The following ATRX variants were observed in gnomAD, a reference collection of about 807,000 sequenced individuals.
The protein encoded by ATRX is ATRX chromatin remodeler, also known as chromatin remodeler ATRX.
In ATRX, 12 loss-of-function variants were observed where a neutral mutation model predicts 172.6. The observed-to-expected ratio is 0.07, with a 90% CI of 0.04 to 0.11. The LOEUF (loss-of-function observed/expected upper bound fraction) is 0.11, where lower values mean the gene tolerates loss of function less well. Among genes scored for constraint, ATRX ranks in the 10% least tolerant of loss-of-function variants. The probability of loss-of-function intolerance (pLI) is 1.00; values close to 1 mark genes in which losing one functional copy is unlikely to be tolerated. For missense variants in ATRX, 1,368 were observed against 1,767.4 expected (o/e 0.77, Z 4.05); for synonymous variants, 674 against 594.7 (o/e 1.13, Z -1.94).
intron 10 of ATRX, among the ~76,000 whole-genome samples, chrX:77,673,559 TA>T (rs2070729593): frequency 9.0e-6 from 1 of 111,162 alleles, no homozygotes; most frequent in African/African-American, 3.3e-5. Context: ...TAAATCCAAT[TA>T]AATAGAAATT....
At position 77,622,658 on chromosome X, in the gene ATRX, T is replaced by C. The variant is rs147842674; in HGVS notation, c.5135-2126A>G. On this transcript the variant is annotated intron_variant, in intron 19 of 34. Transcript: ENST00000373344. Reference sequence around the variant, plus strand: ...ACTCCGGGGAGGGCGCAAATCCAGATTGCAGACTTCACAGGTGGGGGATGA... The same window carrying C: ...ACTCCGGGGAGGGCGCAAATCCAGACTGCAGACTTCACAGGTGGGGGATGA... 5.0e-4 allele frequency among the ~76,000 whole-genome samples: 56 copies of C among 111,513 alleles called. No individual in the cohort carries two copies. In the East Asian group the frequency reaches 0.014, roughly 29 times the overall value.
chrX:77,745,173 G>GAAAAAAAAAAA (rs1247509964), intron 1 of ATRX, among the ~76,000 whole-genome samples: 3 of 27,422 alleles, frequency 1.1e-4, no homozygotes, highest in Non-Finnish European at 1.9e-4. Context: ...TCTCAAAAAT[G>GAAAAAAAAAAA]AAAAAAAAAA....
At chrX:77,634,460 T>C in intron 17 of ATRX, 134 bp downstream of exon 17, 1 of 532,745 alleles carries the variant, frequency 1.9e-6, no homozygotes. Context: ...TATAAGCTCC[T>C]TGGAGACAGA....
At chrX:77,566,745 C>G (rs1453230439) in intron 28 of ATRX, among the ~76,000 whole-genome samples, 1 of 110,161 alleles carries the variant, frequency 9.1e-6, no homozygotes, top group African/African-American at 3.3e-5. Context: ...AGAGCAAGAC[C>G]CTGCTTAAAA....
intron 1 of ATRX, among the ~76,000 whole-genome samples, chrX:77,780,326 T>C (rs1344998685): frequency 2.7e-5 from 3 of 110,306 alleles, no homozygotes; most frequent in Non-Finnish European, 3.8e-5. Context: ...AATTTTTTGC[T>C]TATTTGTTTT....
At chrX:77,711,561 G>A (rs943304224) in intron 2 of ATRX, among the ~76,000 whole-genome samples, 12 of 112,590 alleles carry the variant, frequency 1.1e-4, no homozygotes, top group Non-Finnish European at 2.3e-4. Flanking sequence ...TGGGCTGGGT[G>A]TGGTGGCTCA....
At chrX:77,770,582 A>C (rs1603338789) in intron 1 of ATRX, among the ~76,000 whole-genome samples, 1 of 111,963 alleles carries the variant, frequency 8.9e-6, no homozygotes, top group Non-Finnish European at 1.9e-5. Flanking sequence ...AATCATAAAG[A>C]AGCATCACAC....
At chrX:77,709,706 A>G (rs1173428706) in intron 2 of ATRX, among the ~76,000 whole-genome samples, 1 of 110,252 alleles carries the variant, frequency 9.1e-6, no homozygotes, top group Non-Finnish European at 1.9e-5. Flanking sequence ...AAGGGCCTCC[A>G]GAGGACAAGG....
chrX:77,681,633 A>C lies in ATRX; in HGVS notation c.3623T>G (p.Ile1208Arg). Residue 1208 changes from isoleucine (I) to arginine (R), a missense_variant, in exon 9 of 35, where the codon ATA (isoleucine) becomes AGA (arginine). Coordinates refer to ENST00000373344, the MANE Select transcript of ATRX (RefSeq NM_000489.6). Reference sequence around the variant, plus strand: ...TATAGAATTCTGATCATCATCTTCTATATCAGAAGAAGATGAGGATGTAAT... The same window carrying C: ...TATAGAATTCTGATCATCATCTTCTCTATCAGAAGAAGATGAGGATGTAAT... ...ADITSSSSSD[I>R]EDDDQNSIGE... The C allele has an allele frequency of 8.3e-7, 1 of 1,206,022 alleles. No homozygotes were observed. Among genetic ancestry groups the C allele is most frequent in the Middle Eastern group, 2.3e-4 (1 of 4,323 alleles).
chrX:77,754,234 T>C (rs2075408850), intron 1 of ATRX, among the ~76,000 whole-genome samples: 2 of 111,195 alleles, frequency 1.8e-5, no homozygotes, highest in Admixed American at 1.9e-4. Flanking sequence ...ATGTGTGTCT[T>C]TGCACATCAG....
In ATRX at chrX:77,507,520, T is replaced by C. The variant is rs1172177514; in HGVS notation, c.*831A>G. 2 of 172,996 alleles carry C rather than the reference T, an allele frequency of 1.2e-5. No individual in the cohort carries two copies. The highest frequency in any genetic ancestry group is 5.9e-5 in the African/African-American group (2 of 33,834). 14.3% of individuals were successfully genotyped at this position (172,996 alleles called of 1,213,427 possible). On this transcript the variant is annotated 3_prime_UTR_variant, in exon 35 of 35. Coordinates refer to ENST00000373344, the MANE Select transcript of ATRX (RefSeq NM_000489.6). Reference sequence around the variant, plus strand: ...GGATGAAGCATTAGCACTGGCACCATGCAGTTAAGAGATGTGCTTTATATT... The same window carrying C: ...GGATGAAGCATTAGCACTGGCACCACGCAGTTAAGAGATGTGCTTTATATT...
At chrX:77,774,267 TATA>T (rs782174124) in intron 1 of ATRX, among the ~76,000 whole-genome samples, 4 of 109,052 alleles carry the variant, frequency 3.7e-5, no homozygotes, top group Admixed American at 9.9e-5. Context: ...GACAATGAAA[TATA>T]ATGAGTGTTC....
chrX:77,708,601 G>A (rs1557158675), intron 2 of ATRX, among the ~76,000 whole-genome samples: 1 of 110,996 alleles, frequency 9.0e-6, no homozygotes, highest in Non-Finnish European at 1.9e-5. Flanking sequence ...GGCAGAGGTT[G>A]CAGTAAGCCA....
intron 6 of ATRX, among the ~76,000 whole-genome samples, chrX:77,691,467 C>A (rs2071883022): frequency 9.0e-6 from 1 of 110,959 alleles, no homozygotes; most frequent in Non-Finnish European, 1.9e-5. Context: ...TTAAATAGAA[C>A]AAAATTATTG....
rs150801485 is a variant in ATRX, at chrX:77,696,694, T to C, written c.253A>G (p.Ile85Val). 1.1e-5 allele frequency: 13 copies of C among 1,196,767 alleles called. No homozygotes were observed. The highest frequency in any genetic ancestry group is 1.1e-4 in the African/African-American group (6 of 56,960). ...GSSRSKRKPS[I>V]VTKYVESDDE... ...TCTGATTCTACATACTTTGTTACAATTGAAGGTTTCCTATGAAAGAATTAA... is the reference window on the plus strand; with the variant it reads ...TCTGATTCTACATACTTTGTTACAACTGAAGGTTTCCTATGAAAGAATTAA... Residue 85 changes from isoleucine (I) to valine (V), a missense_variant, in exon 5 of 35, where the codon ATT (isoleucine) becomes GTT (valine). Ile to Val is a conservative substitution (Grantham distance 29). Around this residue, in one of 17 missense-constraint regions of ATRX, gnomAD observed 84 missense variants for 82.8 expected, o/e 1.01. Transcript: ENST00000373344.
intron 1 of ATRX, among the ~76,000 whole-genome samples, chrX:77,781,454 A>C (rs944684728): frequency 5.3e-4 from 57 of 108,307 alleles, no homozygotes; most frequent in South Asian, 1.6e-3. Context: ...AAAAAAAAAA[A>C]AAAAAAAAAA....
chrX:77,547,278 C>T (rs1557053794), intron 30 of ATRX, among the ~76,000 whole-genome samples: 2 of 111,167 alleles, frequency 1.8e-5, no homozygotes, highest in African/African-American at 6.5e-5. Flanking sequence ...CCAACTCTGC[C>T]CTCCACCCCA....
chrX:77,704,119 C>T (rs782272346), intron 2 of ATRX, among the ~76,000 whole-genome samples: 5 of 110,972 alleles, frequency 4.5e-5, no homozygotes, highest in Non-Finnish European at 7.6e-5. Flanking sequence ...ATCTCTCCTT[C>T]GTCTCTGCAG....
rs2147648778 is a variant in ATRX at position 77,508,480 on chromosome X, G to A, written c.7350C>T (p.Asn2450=). The change falls in exon 35 of 35, where the codon AAC becomes AAT. Residue 2450 remains asparagine (N), a synonymous_variant. Transcript: ENST00000373344. ...KPPNLIMNPS[N]YQQIDMRGMY... is the part of the protein sequence containing the mutation. ...TTCCTCTCATATCAATCTGCTGGTAGTTAGAAGGATTCATGATCAAATTTG... is the reference window on the plus strand; with the variant it reads ...TTCCTCTCATATCAATCTGCTGGTAATTAGAAGGATTCATGATCAAATTTG... 5.8e-6 allele frequency: 7 copies of A among 1,211,730 alleles called. No homozygotes were observed. The highest frequency in any genetic ancestry group is 5.9e-5 in the East Asian group (2 of 33,832).
Sources: gnomAD v4.1 joint callset for allele counts (sites outside exome capture counted in the v4.1 genomes callset) on GRCh38, gnomAD v4.1.1 for gene constraint, gnomAD v4.1.1 regional missense constraint, MANE v1.5 for transcripts, NCBI Gene and HGNC (gene_info 2026-07-23, HGNC 2026-07-21) for gene names.